Variants in ADGRA3 observed in about 807,000 individuals in gnomAD.
ADGRA3 encodes the protein adhesion G protein-coupled receptor A3, also known as G-protein coupled receptor 125.
A neutral mutation model predicts 119.8 loss-of-function variants in ADGRA3; 56 were observed. The observed-to-expected ratio is 0.47, with a 90% CI of 0.38 to 0.58. The LOEUF is 0.58. ADGRA3 is among the 20% of genes least tolerant of loss of function. The probability of loss-of-function intolerance (pLI) is 0.00; values close to 1 mark genes in which losing one functional copy is unlikely to be tolerated. For missense variants in ADGRA3, 1,516 were observed against 1,649.0 expected (o/e 0.92, Z 1.40); for synonymous variants, 607 against 623.8 (o/e 0.97, Z 0.40).
chr4:22,452,678 G>A (rs961846409), intron 4 of ADGRA3, among the ~76,000 whole-genome samples: 1 of 152,142 alleles, frequency 6.6e-6, no homozygotes, highest in Non-Finnish European at 1.5e-5. Context: ...ATAGCAACCT[G>A]CCCTAACAGA....
In ADGRA3 at chr4:22,450,622, G is replaced by C. The variant is rs547797713; in HGVS notation, c.474-3111C>G. ...TTATTTACTTATTTTATGCTAAATA[G>C]ATAACATTTGAATTCCTAAGAGCTG... On this transcript the variant is annotated intron_variant, in intron 4 of 18. Coordinates refer to ENST00000334304, the MANE Select transcript of ADGRA3 (RefSeq NM_145290.4). Among the ~76,000 whole-genome samples, 7 of 152,146 alleles carry C rather than the reference G, an allele frequency of 4.6e-5. No homozygotes were observed. In the East Asian group the frequency reaches 1.4e-3, roughly 29 times the overall value.
At chr4:22,413,061 A>T in intron 14 of ADGRA3, 121 bp downstream of exon 14, 1 of 754,082 alleles carries the variant, frequency 1.3e-6, no homozygotes, top group Non-Finnish European at 2.2e-6. Context: ...AAAGGGAGCA[A>T]ATTATGTTAA....
At chr4:22,499,628 T>A (rs942288321) in intron 1 of ADGRA3, among the ~76,000 whole-genome samples, 2 of 152,216 alleles carry the variant, frequency 1.3e-5, no homozygotes, top group Non-Finnish European at 1.5e-5. Flanking sequence ...ATGTTCTTAT[T>A]CATCTTAACA....
chr4:22,498,389 T>TG (rs776106839), intron 1 of ADGRA3, among the ~76,000 whole-genome samples: 1 of 151,770 alleles, frequency 6.6e-6, no homozygotes, highest in African/African-American at 2.4e-5. Flanking sequence ...GAGGCCAAGT[T>TG]GGGTGGATCA....
chr4:22,485,184 C>A (rs1031116357), intron 1 of ADGRA3, among the ~76,000 whole-genome samples: 1 of 152,144 alleles, frequency 6.6e-6, no homozygotes, highest in Non-Finnish European at 1.5e-5. Flanking sequence ...TGGGTTCAAG[C>A]AATTCTCCTG....
chr4:22,453,606 A>G (rs943993240), intron 4 of ADGRA3, among the ~76,000 whole-genome samples: 2 of 152,226 alleles, frequency 1.3e-5, no homozygotes, highest in Non-Finnish European at 2.9e-5. Flanking sequence ...AAGAACCACA[A>G]GTAGACAACC....
At chr4:22,483,986 A>ATT (rs5856698) in intron 1 of ADGRA3, among the ~76,000 whole-genome samples, 7 of 151,596 alleles carry the variant, frequency 4.6e-5, no homozygotes, top group South Asian at 2.1e-4. Context: ...GCATGATTAC[A>ATT]TTTTTTTTAA....
Position 22,515,491 on chromosome 4 carries a change from G to C in ADGRA3, c.257+37C>G, listed in dbSNP as rs547443431. ...TTGAGCGGAGAGATAAGAAAGAGCC[G>C]AGCGGGAGAGGACCCAGCGTCGCGG... On this transcript the variant is annotated intron_variant, in intron 1 of 18. Transcript: ENST00000334304. The C allele has an allele frequency of 1.9e-5, 30 of 1,590,038 alleles. No individual in the cohort carries two copies. In the East Asian group the frequency reaches 4.7e-4, roughly 25 times the overall value.
Position 22,515,910 on chromosome 4 carries a change from G to T in ADGRA3, c.-126C>A. The T allele has an allele frequency of 1.7e-6, 1 of 572,048 alleles. No homozygotes were observed. 35.4% of individuals were successfully genotyped at this position (572,048 alleles called of 1,614,324 possible). On this transcript the variant is annotated 5_prime_UTR_variant, in exon 1 of 19. Coordinates refer to ENST00000334304, the MANE Select transcript of ADGRA3 (RefSeq NM_145290.4). ...CGGAGCCTTATGGCGGCCGGAGGAC[G>T]GGCCTTCCCCGGCGCGGACATGCTC...
chr4:22,512,760 G>A (rs1275124905), intron 1 of ADGRA3, among the ~76,000 whole-genome samples: 1 of 152,172 alleles, frequency 6.6e-6, no homozygotes, highest in Admixed American at 6.5e-5. Flanking sequence ...CCTGCTAATA[G>A]ATTGATTTGG....
intron 7 of ADGRA3, among the ~76,000 whole-genome samples, chr4:22,440,337 A>C (rs1284473577): frequency 6.6e-6 from 1 of 152,226 alleles, no homozygotes; most frequent in Non-Finnish European, 1.5e-5. Context: ...AAAAAGAAAG[A>C]AGTAGCTTCA....
chr4:22,479,963 G>C (rs1462031027), intron 1 of ADGRA3, among the ~76,000 whole-genome samples: 1 of 152,138 alleles, frequency 6.6e-6, no homozygotes, highest in African/African-American at 2.4e-5. Flanking sequence ...CATGGACACA[G>C]GGAGGGGAAC....
At chr4:22,490,898 T>C (rs554145331) in intron 1 of ADGRA3, among the ~76,000 whole-genome samples, 9 of 152,162 alleles carry the variant, frequency 5.9e-5, no homozygotes, top group Admixed American at 4.6e-4. Flanking sequence ...AGGTCGGAAG[T>C]CCAGGCACAG....
intron 2 of ADGRA3, among the ~76,000 whole-genome samples, chr4:22,470,267 G>A (rs1215595345): frequency 6.6e-6 from 1 of 150,468 alleles, no homozygotes; most frequent in Non-Finnish European, 1.5e-5. Flanking sequence ...GACACCATCA[G>A]GATTTAGTTA....
At chr4:22,413,903 T>C in intron 12 of ADGRA3, 89 bp from the exon 13 acceptor site, 1 of 852,364 alleles carries the variant, frequency 1.2e-6, no homozygotes, top group Non-Finnish European at 1.7e-6. Context: ...AAAAGTGGTA[T>C]AATTAGGTTG....
At chr4:22,490,674 A>T (rs1287330730) in intron 1 of ADGRA3, among the ~76,000 whole-genome samples, 1 of 152,220 alleles carries the variant, frequency 6.6e-6, no homozygotes, top group East Asian at 1.9e-4. Flanking sequence ...ATGTTGCTGA[A>T]AAGTAAGATG....
rs1047986641 is a variant in ADGRA3, at chr4:22,477,083, G to A, written c.258-3240C>T. On this transcript the variant is annotated intron_variant, in intron 1 of 18. Transcript: ENST00000334304. ...TAAATATAAGAATCTTAATTGCTAA[G>A]TACAGCTTGAGGTTGAGTTTATTTT... is the stretch of plus-strand genomic sequence containing the variant. Among the ~76,000 whole-genome samples, 17 of 152,126 alleles carry A rather than the reference G, an allele frequency of 1.1e-4. 1 individual carries two copies. The highest frequency in any genetic ancestry group is 4.6e-4 in the Admixed American group (7 of 15,288).
At chr4:22,393,636 A>G (rs180682010) in intron 16 of ADGRA3, 26 of 152,278 alleles carry the variant, frequency 1.7e-4, no homozygotes, top group Middle Eastern at 6.8e-3. Context: ...CAAGAGTAAT[A>G]TAAAAGTACT....
chr4:22,402,699 A>G lies in ADGRA3; in HGVS notation c.2333T>C (p.Ile778Thr), dbSNP rs1714716938. ...IILLLCLLAV[I>T]VSYIYHHSLI... ...CCTGTGATGGTATATGTAACTGACA[A>G]TGACGGCTAAGAGACATAAGAGGAG... is the stretch of plus-strand genomic sequence containing the variant. Residue 778 changes from isoleucine to threonine, a missense_variant, in exon 15 of 19, where the codon ATT becomes ACT. Around this residue, in one of 2 missense-constraint regions of ADGRA3, gnomAD observed 1,088 missense variants for 1,107.1 expected, o/e 0.98. Transcript: ENST00000334304. 5.6e-6 allele frequency: 9 copies of G among 1,613,730 alleles called. No homozygotes were observed. The highest frequency in any genetic ancestry group is 1.7e-5 in the Admixed American group (1 of 59,974).
Sources: gnomAD v4.1 joint callset for allele counts (sites outside exome capture counted in the v4.1 genomes callset) on GRCh38, gnomAD v4.1.1 for gene constraint, gnomAD v4.1.1 regional missense constraint, MANE v1.5 for transcripts, NCBI Gene and HGNC (gene_info 2026-07-23, HGNC 2026-07-21) for gene names.